PRSS1: variants seen among roughly 807,000 people sequenced by gnomAD.
The protein encoded by PRSS1 is serine protease 1.
A neutral mutation model predicts 24.2 loss-of-function variants in PRSS1; 22 were observed. That is an observed-to-expected ratio of 0.91 (90% CI 0.65 to 1.30). PRSS1 has a LOEUF of 1.30. Ranked by LOEUF, PRSS1 falls within the 50% of genes most tolerant of loss-of-function variation. PRSS1 has a pLI of 0.00. For synonymous variants in PRSS1, 126 were observed against 116.1 expected (o/e 1.08, Z -0.55); for missense variants, 366 against 304.2 (o/e 1.20, Z -1.51).
At chr7:142,750,339 C>T (rs1025371121) in intron 1 of PRSS1, among the ~76,000 whole-genome samples, 7 of 151,970 alleles carry the variant, frequency 4.6e-5, no homozygotes, top group East Asian at 1.9e-4. Flanking sequence ...CAGGAGAGCT[C>T]GGATCCTCCG....
At chr7:142,752,707 T>C in intron 4 of PRSS1, 140 bp downstream of exon 4, 1 of 1,509,186 alleles carries the variant, frequency 6.6e-7, no homozygotes, top group East Asian at 2.3e-5. Context: ...AAGACTCCCT[T>C]GGGCTGCATC....
chr7:142,751,849 G>A lies in PRSS1; in HGVS notation c.276G>A (p.Lys92=). 6.2e-7 allele frequency: 1 copy of A among 1,614,106 alleles called. No homozygotes were observed. Among genetic ancestry groups the A allele is most frequent in the Non-Finnish European group, 8.5e-7 (1 of 1,180,024 alleles). ...EGNEQFINAA[K]IIRHPQYDRK... ...ATGAGCAGTTCATCAATGCAGCCAA[G>A]ATCATCCGCCACCCCCAATACGACA... is the stretch of plus-strand genomic sequence containing the variant. The change falls in exon 3 of 5, where the codon AAG becomes AAA. Residue 92 remains lysine, a synonymous_variant. Transcript: ENST00000311737.
chr7:142,749,967 C>A (rs1798552611), intron 1 of PRSS1, among the ~76,000 whole-genome samples: 2 of 152,330 alleles, frequency 1.3e-5, no homozygotes, highest in Non-Finnish European at 2.9e-5. Flanking sequence ...GGCTTTTAAG[C>A]TTCCCAGGTG....
At chr7:142,749,728 A>G (rs1798525841) in intron 1 of PRSS1, among the ~76,000 whole-genome samples, 1 of 149,178 alleles carries the variant, frequency 6.7e-6, no homozygotes. Flanking sequence ...CACCACTGTC[A>G]TTCATCCATA....
chr7:142,752,016 C>A lies in PRSS1; in HGVS notation c.443C>A (p.Ala148Glu). Residue 148 changes from alanine to glutamate, a missense_variant, in exon 3 of 5, where the codon GCG becomes GAG. Transcript: ENST00000311737. The part of the protein sequence containing the change: ...KCLISGWGNT[A>E]SSGADYPDEL... ...CTCATCTCTGGCTGGGGCAACACTG[C>A]GAGCTCTGGCGGTGAGTGGGACCCT... The A allele has an allele frequency of 6.4e-7, 1 of 1,559,294 alleles. No homozygotes were observed. The highest frequency in any genetic ancestry group is 2.3e-5 in the East Asian group (1 of 44,376).
In PRSS1 at chr7:142,752,252, G is replaced by A. The variant is rs1798807362; in HGVS notation, c.455-179G>A. On this transcript the variant is annotated intron_variant, in intron 3 of 4. Transcript: ENST00000311737. ...GAGAACTTGATATGATCACATCTTG[G>A]GAGGGGTTCAACAATGATCATTCTG... 2.0e-5 allele frequency among the ~76,000 whole-genome samples: 3 copies of A among 152,216 alleles called. No individual in the cohort carries two copies. The South Asian group carries it at 6.2e-4, about 32-fold the overall frequency.
intron 2 of PRSS1, 88 bp from the exon 3 acceptor site, chr7:142,751,686 G>A (rs1369375299): frequency 6.2e-7 from 1 of 1,612,796 alleles, no homozygotes; most frequent in Non-Finnish European, 8.5e-7. Context: ...AGCTGTCCAT[G>A]AGCAGAGAGC....
In PRSS1 at chr7:142,750,653, T is replaced by G; in HGVS notation, c.139T>G (p.Phe47Val). 1 of 1,614,034 alleles carries G rather than the reference T, an allele frequency of 6.2e-7. No individual in the cohort carries two copies. The highest frequency in any genetic ancestry group is 8.5e-7 in the Non-Finnish European group (1 of 1,179,872). The change falls in exon 2 of 5, where the codon TTC becomes GTC. Residue 47 changes from phenylalanine to valine, a missense_variant. Phe to Val is a conservative substitution (Grantham distance 50). Coordinates refer to ENST00000311737, the MANE Select transcript of PRSS1 (RefSeq NM_002769.5). ...GGTGTCCCTGAATTCTGGCTACCAC[T>G]TCTGTGGTGGCTCCCTCATCAACGA... The part of the protein sequence containing the change: ...YQVSLNSGYH[F>V]CGGSLINEQW...
At position 142,752,461 on chromosome 7, in the gene PRSS1, A is replaced by G. The variant is rs1248894315; in HGVS notation, c.485A>G (p.Asp162Gly). The G allele has an allele frequency of 2.5e-6, 4 of 1,613,996 alleles. No individual in the cohort carries two copies. The highest frequency in any genetic ancestry group is 3.4e-6 in the Non-Finnish European group (4 of 1,179,978). ...TACCCAGACGAGCTGCAGTGCCTGG[A>G]TGCTCCTGTGCTGAGCCAGGCTAAG... Reference protein sequence around the residue: ...ADYPDELQCLDAPVLSQAKCE... With the variant: ...ADYPDELQCLGAPVLSQAKCE... The change falls in exon 4 of 5, where the codon GAT becomes GGT. Residue 162 changes from aspartate (D) to glycine (G), a missense_variant. Coordinates refer to ENST00000311737, the MANE Select transcript of PRSS1 (RefSeq NM_002769.5).
rs755432609 is a variant in PRSS1, at chr7:142,752,141, C to T, written c.454+114C>T. 4.1e-5 allele frequency: 62 copies of T among 1,505,628 alleles called. No individual in the cohort carries two copies. In the Admixed American group the frequency reaches 5.4e-4, roughly 13 times the overall value. 93.3% of individuals were successfully genotyped at this position (1,505,628 alleles called of 1,614,324 possible). On this transcript the variant is annotated intron_variant, in intron 3 of 4. Coordinates refer to ENST00000311737, the MANE Select transcript of PRSS1 (RefSeq NM_002769.5). Reference sequence around the variant, plus strand: ...CAGGCTTAAGACACATTTCGAGTGCCCATTACACACAGACTCTGCACTGGG... The same window carrying T: ...CAGGCTTAAGACACATTTCGAGTGCTCATTACACACAGACTCTGCACTGGG...
intron 2 of PRSS1, chr7:142,750,935 A>G (rs1161718444): frequency 2.6e-6 from 2 of 778,278 alleles, no homozygotes; most frequent in Non-Finnish European, 4.4e-6. Context: ...GTGGTCATAA[A>G]AGCAGGCAGG....
At chr7:142,750,127 G>A (rs1219619143) in intron 1 of PRSS1, among the ~76,000 whole-genome samples, 1 of 151,882 alleles carries the variant, frequency 6.6e-6, no homozygotes, top group Non-Finnish European at 1.5e-5. Flanking sequence ...GGGGAAGGTG[G>A]TCATGGCCAG....
rs1175899505 is a variant in PRSS1 at position 142,751,635 on chromosome 7, G to C, written c.201-139G>C. 12 of 1,509,274 alleles carry C rather than the reference G, an allele frequency of 8.0e-6. No individual in the cohort carries two copies. The African/African-American group carries it at 8.2e-5, about 10-fold the overall frequency. The allele number at this position is 1,509,274 out of a possible 1,614,324, so 93.5% of individuals were successfully genotyped here. A position where few individuals can be genotyped will look rare whatever the true frequency, so the allele number is the denominator to read the frequency against. On this transcript the variant is annotated intron_variant, in intron 2 of 4. Transcript: ENST00000311737. ...CTTCACTGACCCACATCCCTCTGCT[G>C]CCCATGCGATATGGCCACACACCCC...
At chr7:142,751,005 G>A (rs1798668702) in intron 2 of PRSS1, 2 of 708,090 alleles carry the variant, frequency 2.8e-6, no homozygotes, top group Non-Finnish European at 5.1e-6. Flanking sequence ...TTGCTGGTTA[G>A]CTACACATTA....
chr7:142,752,694 A>T, intron 4 of PRSS1, 127 bp downstream of exon 4: 1 of 1,533,502 alleles, frequency 6.5e-7, no homozygotes, highest in Non-Finnish European at 9.0e-7. Context: ...TGGAGAAGTG[A>T]GGAAGACTCC....
chr7:142,751,601 G>A (rs1798736949), intron 2 of PRSS1, 173 bp from the exon 3 acceptor site: 3 of 1,208,136 alleles, frequency 2.5e-6, no homozygotes, highest in South Asian at 1.5e-5. Flanking sequence ...TAGGTCCTGG[G>A]TCTCATACCT....
intron 3 of PRSS1, 139 bp downstream of exon 3, chr7:142,752,166 G>C: frequency 7.2e-7 from 1 of 1,384,428 alleles, no homozygotes; most frequent in Non-Finnish European, 1.0e-6. Context: ...TCTGCACTGG[G>C]CACCAGAGAG....
rs780399123 is a variant in PRSS1, at chr7:142,750,817, G to C, written c.200+103G>C. ...GAGGTTGGGTAAGATGGATGGGAGA[G>C]GTGGTGGAGAAGAAAACTTGTTGGC... On this transcript the variant is annotated intron_variant, in intron 2 of 4. Transcript: ENST00000311737. The C allele has an allele frequency of 6.4e-6, 10 of 1,566,454 alleles. No individual in the cohort carries two copies. In the South Asian group the frequency reaches 1.0e-4, roughly 16 times the overall value.
rs890489040 is a variant in PRSS1 at position 142,749,587 on chromosome 7, T to C, written c.40+63T>C. On this transcript the variant is annotated intron_variant, in intron 1 of 4. Coordinates refer to ENST00000311737, the MANE Select transcript of PRSS1 (RefSeq NM_002769.5). Reference sequence around the variant, plus strand: ...CCCGTTCCTGGCCGACAAATGCCCTTCCATTCTTACCACCTCTCCTCTTTT... The same window carrying C: ...CCCGTTCCTGGCCGACAAATGCCCTCCCATTCTTACCACCTCTCCTCTTTT... 8 of 1,365,464 alleles carry C rather than the reference T, an allele frequency of 5.9e-6. No homozygotes were observed. In the Admixed American group the frequency reaches 7.2e-5, roughly 12 times the overall value. The allele number at this position is 1,365,464 out of a possible 1,614,324, so 84.6% of individuals were successfully genotyped here.
Sources: gnomAD v4.1 joint callset for allele counts (sites outside exome capture counted in the v4.1 genomes callset) on GRCh38, gnomAD v4.1.1 for gene constraint, MANE v1.5 for transcripts, NCBI Gene and HGNC (gene_info 2026-07-23, HGNC 2026-07-21) for gene names.